LACRT: variants seen among roughly 807,000 people sequenced by gnomAD.
LACRT encodes lacritin.
LACRT carries 14 observed loss-of-function variants against 14.5 expected under a neutral mutation model. The ratio of observed to expected loss-of-function variants is 0.96; its 90% CI spans 0.64 to 1.51. LACRT has a LOEUF of 1.51. LACRT is among the 40% of genes most tolerant of loss of function. The probability of loss-of-function intolerance (pLI) is 0.00; values close to 1 mark genes in which losing one functional copy is unlikely to be tolerated. For missense variants in LACRT, 156 were observed against 161.8 expected (o/e 0.96, Z 0.19); for synonymous variants, 70 against 63.5 (o/e 1.10, Z -0.48).
Position 54,630,873 on chromosome 12 carries a change from T to A in LACRT, c.*19A>T. ...GTATTTAAGGCTTTAAGTCCAATGA[T>A]CCCATTCTTTTCAGCTTCTCATGCC... On this transcript the variant is annotated 3_prime_UTR_variant, in exon 5 of 5. Coordinates refer to ENST00000257867, the MANE Select transcript of LACRT (RefSeq NM_033277.2). 6.3e-7 allele frequency: 1 copy of A among 1,579,860 alleles called. No individual in the cohort carries two copies. The highest frequency in any genetic ancestry group is 2.2e-5 in the East Asian group (1 of 44,676).
chr12:54,631,653 G>A, intron 4 of LACRT, 85 bp downstream of exon 4: 1 of 970,088 alleles, frequency 1.0e-6, no homozygotes, highest in South Asian at 1.3e-5. Flanking sequence ...GGAAATGGGG[G>A]CAAGTTCTGT....
Position 54,634,866 on chromosome 12 carries a change from AC to A in LACRT, c.-26del. The stretch of plus-strand genomic sequence containing the variant: ...TTCTTTGGGATGAGGAGTGAGTATA[AC>A]CACAGAATCTGCAGAAGGTCTGGGG... On this transcript the variant is annotated 5_prime_UTR_variant, in exon 1 of 5. Transcript: ENST00000257867. 2 of 1,592,008 alleles carry A rather than the reference AC, an allele frequency of 1.3e-6. No homozygotes were observed. The highest frequency in any genetic ancestry group is 1.7e-6 in the Non-Finnish European group (2 of 1,160,020).
At chr12:54,633,932 G>C (rs778620500) in intron 1 of LACRT, among the ~76,000 whole-genome samples, 1 of 152,102 alleles carries the variant, frequency 6.6e-6, no homozygotes, top group Non-Finnish European at 1.5e-5. Flanking sequence ...GGTGACATTA[G>C]AGTTGGTTGG....
intron 4 of LACRT, among the ~76,000 whole-genome samples, chr12:54,631,270 TTCTC>T (rs1449811438): frequency 6.6e-6 from 1 of 152,124 alleles, no homozygotes; most frequent in Non-Finnish European, 1.5e-5. Context: ...GACAGGGTCT[TTCTC>T]TGTCACCCAG....
chr12:54,634,658 G>C, intron 1 of LACRT, 126 bp downstream of exon 1: 1 of 895,536 alleles, frequency 1.1e-6, no homozygotes, highest in Non-Finnish European at 1.8e-6. Context: ...ACTGGGAGAG[G>C]AGTCACTTGC....
Position 54,630,860 on chromosome 12 carries a change from T to G in LACRT, c.*32A>C, listed in dbSNP as rs1258240863. 2 of 1,512,910 alleles carry G rather than the reference T, an allele frequency of 1.3e-6. No individual in the cohort carries two copies. The highest frequency in any genetic ancestry group is 1.4e-5 in the African/African-American group (1 of 72,914). 93.7% of individuals were successfully genotyped at this position (1,512,910 alleles called of 1,614,324 possible). A position where few individuals can be genotyped will look rare whatever the true frequency, so the allele number is the denominator to read the frequency against. ...CTGGGCTACAAGGGTATTTAAGGCT[T>G]TAAGTCCAATGATCCCATTCTTTTC... On this transcript the variant is annotated 3_prime_UTR_variant, in exon 5 of 5. Coordinates refer to ENST00000257867, the MANE Select transcript of LACRT (RefSeq NM_033277.2).
intron 2 of LACRT, among the ~76,000 whole-genome samples, chr12:54,632,759 T>A (rs2706226): frequency 6.6e-6 from 1 of 152,050 alleles, no homozygotes; most frequent in Admixed American, 6.5e-5. Context: ...TTAGCTGATG[T>A]GGGTGCGACA....
rs374758759 is a variant in LACRT, at chr12:54,633,149, G to A, written c.112+31C>T. The A allele has an allele frequency of 4.8e-4, 780 of 1,609,576 alleles. 1 individual carries two copies. The highest frequency in any genetic ancestry group is 6.3e-4 in the Non-Finnish European group (739 of 1,176,124). The stretch of plus-strand genomic sequence containing the variant: ...CCTAACTGTTAAACCTTCCCAACGA[G>A]GGCTAGGGCAGCAGGGAGAGGAGGA... On this transcript the variant is annotated intron_variant, in intron 2 of 4. Coordinates refer to ENST00000257867, the MANE Select transcript of LACRT (RefSeq NM_033277.2).
At chr12:54,633,129 C>A in intron 2 of LACRT, 51 bp downstream of exon 2, 1 of 1,569,446 alleles carries the variant, frequency 6.4e-7, no homozygotes, top group Non-Finnish European at 8.8e-7. Flanking sequence ...ACATCCCTAA[C>A]TGTTAAACCT....
At chr12:54,631,584 C>T in intron 4 of LACRT, 154 bp downstream of exon 4, 2 of 643,952 alleles carry the variant, frequency 3.1e-6, no homozygotes, top group South Asian at 3.7e-5. Context: ...TATGAAAGCA[C>T]AAAGTGAGGG....
At chr12:54,633,079 C>T in intron 2 of LACRT, 101 bp downstream of exon 2, 3 of 1,131,658 alleles carry the variant, frequency 2.7e-6, no homozygotes, top group Non-Finnish European at 4.0e-6. Flanking sequence ...GCACAGAATC[C>T]AGATCTCCTC....
At chr12:54,633,539 C>T (rs1038878188) in intron 1 of LACRT, among the ~76,000 whole-genome samples, 1 of 152,186 alleles carries the variant, frequency 6.6e-6, no homozygotes, top group Admixed American at 6.5e-5. Context: ...TGTCATGGAG[C>T]TGGCCATGGT....
In LACRT at chr12:54,630,823, G is replaced by T; in HGVS notation, c.*69C>A. On this transcript the variant is annotated 3_prime_UTR_variant, in exon 5 of 5. Transcript: ENST00000257867. ...GGCACACAGCAAGTTGGATGCTTTC[G>T]TTTTAATAGCTCTGGGCTACAAGGG... The T allele has an allele frequency of 2.4e-6, 3 of 1,246,016 alleles. No individual in the cohort carries two copies. The highest frequency in any genetic ancestry group is 1.9e-4 in the Middle Eastern group (1 of 5,320). The allele number at this position is 1,246,016 out of a possible 1,614,324, so 77.2% of individuals were successfully genotyped here.
intron 1 of LACRT, 57 bp from the exon 2 acceptor site, chr12:54,633,290 C>A: frequency 6.9e-7 from 1 of 1,450,744 alleles, no homozygotes; most frequent in South Asian, 1.2e-5. Flanking sequence ...CCTACTCGAG[C>A]CACCCTCCCC....
intron 1 of LACRT, among the ~76,000 whole-genome samples, 162 bp downstream of exon 1, chr12:54,634,622 T>C (rs1007218604): frequency 1.3e-5 from 2 of 152,028 alleles, no homozygotes; most frequent in South Asian, 4.2e-4. Context: ...CTCTGGCCAG[T>C]GGGGTGCAGA....
chr12:54,633,365 G>T, intron 1 of LACRT, 132 bp from the exon 2 acceptor site: 2 of 775,080 alleles, frequency 2.6e-6, no homozygotes, highest in Non-Finnish European at 2.2e-6. Flanking sequence ...TTCCCTTTGG[G>T]TTGGACATGC....
At chr12:54,633,303 C>G (rs1241259679) in intron 1 of LACRT, 70 bp from the exon 2 acceptor site, 1 of 1,357,978 alleles carries the variant, frequency 7.4e-7, no homozygotes, top group Non-Finnish European at 1.0e-6. Flanking sequence ...CCCTCCCCTC[C>G]CATTCCCAAA....
chr12:54,630,945 C>G lies in LACRT; in HGVS notation c.364G>C (p.Glu122Gln), dbSNP rs767191391. Residue 122 changes from glutamate to glutamine, a missense_variant, in exon 5 of 5, where the codon GAA becomes CAA. Coordinates refer to ENST00000257867, the MANE Select transcript of LACRT (RefSeq NM_033277.2). ...GGKQFIENGS[E>Q]FAQKLLKKFS... ...TTCTTCAGTAATTTTTGTGCAAATT[C>G]ACTTCCATCTAGAAGGAAAGATGAG... 13 of 1,609,490 alleles carry G rather than the reference C, an allele frequency of 8.1e-6. No homozygotes were observed. The highest frequency in any genetic ancestry group is 1.1e-5 in the Non-Finnish European group (13 of 1,176,426).
chr12:54,631,360 C>T (rs1438535565), intron 4 of LACRT, among the ~76,000 whole-genome samples: 3 of 152,184 alleles, frequency 2.0e-5, no homozygotes, highest in Non-Finnish European at 4.4e-5. Flanking sequence ...CCACCTTAGC[C>T]TCCCAAGTAG....
Sources: gnomAD v4.1 joint callset for allele counts (sites outside exome capture counted in the v4.1 genomes callset) on GRCh38, gnomAD v4.1.1 for gene constraint, MANE v1.5 for transcripts, NCBI Gene and HGNC (gene_info 2026-07-23, HGNC 2026-07-21) for gene names.